The following FHIP1A variants were observed in gnomAD, a reference collection of about 807,000 sequenced individuals.
The protein encoded by FHIP1A is FHF complex subunit HOOK interacting protein 1A.
In FHIP1A, 61 loss-of-function variants were observed where a neutral mutation model predicts 88.6. The observed-to-expected ratio is 0.69, with a 90% confidence interval of 0.56 to 0.85. The LOEUF (loss-of-function observed/expected upper bound fraction) is 0.85. Ranked by LOEUF, FHIP1A falls within the 40% of genes least tolerant of loss-of-function variation. FHIP1A has a pLI of 0.00. For synonymous variants in FHIP1A, 478 were observed against 496.0 expected, an observed-to-expected ratio of 0.96 and a Z score of 0.48; for missense variants, 1,154 against 1,273.5, an observed-to-expected ratio of 0.91 and a Z score of 1.43.
At chr4:151,597,800 C>G (rs759084287) in intron 7 of FHIP1A, among the ~76,000 whole-genome samples, 4 of 152,162 alleles carry the variant, frequency 2.6e-5, no homozygotes, top group African/African-American at 9.7e-5. Context: ...CTGTCCAGTT[C>G]GAACTTCCAG....
chr4:151,495,576 A>T (rs1481261672), intron 3 of FHIP1A, among the ~76,000 whole-genome samples: 5 of 150,982 alleles, frequency 3.3e-5, no homozygotes, highest in Admixed American at 2.6e-4. Context: ...TTTGTCTCTC[A>T]TGTTGGTGCT....
intron 7 of FHIP1A, among the ~76,000 whole-genome samples, chr4:151,603,867 A>G (rs554976198): frequency 1.8e-4 from 28 of 152,188 alleles, no homozygotes; most frequent in African/African-American, 6.0e-4. Flanking sequence ...CTGGGTCTTC[A>G]TCTCCACATA....
At chr4:151,425,525 A>G (rs1002487748) in intron 1 of FHIP1A, among the ~76,000 whole-genome samples, 2 of 152,204 alleles carry the variant, frequency 1.3e-5, no homozygotes, top group South Asian at 4.1e-4. Flanking sequence ...AGGAAATAAT[A>G]ATGGTATTAT....
chr4:151,580,297 G>A (rs2126795138), intron 5 of FHIP1A, among the ~76,000 whole-genome samples: 1 of 152,180 alleles, frequency 6.6e-6, no homozygotes, highest in Non-Finnish European at 1.5e-5. Flanking sequence ...TGCATTTCCT[G>A]CAAATTGGAC....
intron 3 of FHIP1A, among the ~76,000 whole-genome samples, chr4:151,517,380 A>G: frequency 6.6e-6 from 1 of 152,144 alleles, no homozygotes; most frequent in South Asian, 2.1e-4. Context: ...GCAGCACACC[A>G]GCATGGCACA....
intron 3 of FHIP1A, among the ~76,000 whole-genome samples, chr4:151,532,483 C>T (rs1329116146): frequency 1.3e-5 from 2 of 152,180 alleles, no homozygotes; most frequent in African/African-American, 4.8e-5. Flanking sequence ...GCCACAAGAG[C>T]CTCCTGGAGG....
At chr4:151,495,499 C>CA (rs1284878447) in intron 3 of FHIP1A, among the ~76,000 whole-genome samples, 91 of 126,396 alleles carry the variant, frequency 7.2e-4, no homozygotes, top group African/African-American at 1.7e-3. Context: ...GAGACTGTTT[C>CA]AAAAAAAAAA....
At chr4:151,504,599 T>C (rs1022955096) in intron 3 of FHIP1A, among the ~76,000 whole-genome samples, 1 of 145,810 alleles carries the variant, frequency 6.9e-6, no homozygotes. Context: ...TATGTTATGT[T>C]ATGTTATGTC....
intron 8 of FHIP1A, among the ~76,000 whole-genome samples, chr4:151,635,453 G>T (rs921347898): frequency 6.6e-6 from 1 of 151,830 alleles, no homozygotes; most frequent in Non-Finnish European, 1.5e-5. Context: ...ATTCACAATA[G>T]CCAAGAGGTT....
intron 7 of FHIP1A, among the ~76,000 whole-genome samples, chr4:151,611,040 G>A (rs1482317642): frequency 1.3e-5 from 2 of 152,094 alleles, no homozygotes; most frequent in Non-Finnish European, 2.9e-5. Flanking sequence ...ATGAACATGT[G>A]AATGTAGATA....
chr4:151,437,248 T>C (rs530695857), intron 1 of FHIP1A, among the ~76,000 whole-genome samples: 2 of 152,164 alleles, frequency 1.3e-5, no homozygotes, highest in Admixed American at 6.6e-5. Context: ...GAGAAAGATA[T>C]ATGTATATAG....
In FHIP1A at chr4:151,627,083, G is replaced by A. The variant is rs994136780; in HGVS notation, c.979-2619G>A. Among the ~76,000 whole-genome samples the A allele has an allele frequency of 3.3e-5, 5 of 152,116 alleles. No individual in the cohort carries two copies. The South Asian group carries it at 8.3e-4, about 25-fold the overall frequency. ...TGGTAGAAGGAAAAGATGGAAGAAG[G>A]GAGCCAGATTTTCCTGGTTTGGTTA... On this transcript the variant is annotated intron_variant, in intron 7 of 13. Coordinates refer to ENST00000435205, the MANE Select transcript of FHIP1A (RefSeq NM_001109977.3).
chr4:151,445,088 A>G (rs965378455), intron 1 of FHIP1A, among the ~76,000 whole-genome samples: 1 of 152,180 alleles, frequency 6.6e-6, no homozygotes, highest in Non-Finnish European at 1.5e-5. Context: ...TGACTTGGCT[A>G]CAAATTGGAG....
chr4:151,622,115 G>A (rs1735769220), intron 7 of FHIP1A, among the ~76,000 whole-genome samples: 2 of 152,152 alleles, frequency 1.3e-5, no homozygotes, highest in African/African-American at 2.4e-5. Flanking sequence ...CATTTCTGCA[G>A]TAAGTTTGCA....
intron 2 of FHIP1A, among the ~76,000 whole-genome samples, chr4:151,459,308 T>C (rs1245643078): frequency 2.0e-5 from 3 of 152,224 alleles, no homozygotes; most frequent in South Asian, 2.1e-4. Context: ...GTTTACTTTC[T>C]GCTACCTAAA....
chr4:151,488,934 T>C (rs1730180983), intron 3 of FHIP1A, among the ~76,000 whole-genome samples: 1 of 152,178 alleles, frequency 6.6e-6, no homozygotes, highest in Non-Finnish European at 1.5e-5. Flanking sequence ...AAATGGCAGA[T>C]AGGAGACAGG....
At chr4:151,580,946 C>T (rs922178611) in intron 5 of FHIP1A, among the ~76,000 whole-genome samples, 4 of 152,192 alleles carry the variant, frequency 2.6e-5, no homozygotes, top group African/African-American at 9.6e-5. Context: ...CAACCTCCGC[C>T]TCCCGGGTTC....
intron 2 of FHIP1A, among the ~76,000 whole-genome samples, chr4:151,470,423 C>T (rs1729467559): frequency 6.6e-6 from 1 of 152,200 alleles, no homozygotes; most frequent in African/African-American, 2.4e-5. Flanking sequence ...TTCAGACATG[C>T]ATTCCTCTTT....
intron 5 of FHIP1A, among the ~76,000 whole-genome samples, chr4:151,582,407 G>A (rs759764727): frequency 5.3e-5 from 8 of 150,840 alleles, no homozygotes; most frequent in Non-Finnish European, 1.2e-4. Context: ...ATTTCTGTGC[G>A]TAAAACATTA....
Sources: gnomAD v4.1 joint callset for allele counts (sites outside exome capture counted in the v4.1 genomes callset) on GRCh38, gnomAD v4.1.1 for gene constraint, MANE v1.5 for transcripts, NCBI Gene and HGNC (gene_info 2026-07-23, HGNC 2026-07-21) for gene names.